KCNIP4: variants seen among roughly 807,000 people sequenced by gnomAD.
KCNIP4 encodes potassium voltage-gated channel interacting protein 4.
Under a neutral mutation model 34.0 loss-of-function variants are expected in KCNIP4, and 12 were observed. The ratio of observed to expected loss-of-function variants is 0.35; its 90% CI spans 0.23 to 0.57. The LOEUF (loss-of-function observed/expected upper bound fraction) is 0.57. Ranked by LOEUF, KCNIP4 falls within the 20% of genes least tolerant of loss-of-function variation. The probability of loss-of-function intolerance (pLI) is 0.83; values close to 1 mark genes in which losing one functional copy is unlikely to be tolerated. For synonymous variants in KCNIP4, 124 were observed against 102.2 expected (o/e 1.21, Z -1.29); for missense variants, 238 against 311.7 (o/e 0.76, Z 1.78).
At chr4:21,250,643 A>G (rs948611177) in intron 1 of KCNIP4, among the ~76,000 whole-genome samples, 3 of 152,076 alleles carry the variant, frequency 2.0e-5, no homozygotes, top group Non-Finnish European at 2.9e-5. Context: ...CAAACAGAAA[A>G]CAGATTTTCA....
intron 1 of KCNIP4, among the ~76,000 whole-genome samples, chr4:21,739,232 C>T (rs1716236460): frequency 6.6e-6 from 1 of 152,032 alleles, no homozygotes. Flanking sequence ...AGTTATCTTC[C>T]AAAAACTGTT....
chr4:21,932,437 T>C (rs1330496438), intron 1 of KCNIP4, among the ~76,000 whole-genome samples: 1 of 152,138 alleles, frequency 6.6e-6, no homozygotes, highest in Admixed American at 6.6e-5. Context: ...ATACTTGCTA[T>C]TTGTGTTAGC....
At chr4:21,813,694 G>T (rs1221378985) in intron 1 of KCNIP4, among the ~76,000 whole-genome samples, 1 of 152,026 alleles carries the variant, frequency 6.6e-6, no homozygotes, top group African/African-American at 2.4e-5. Flanking sequence ...TAAAATAAAT[G>T]ATATACATTT....
At chr4:21,079,622 C>T (rs1320869994) in intron 1 of KCNIP4, among the ~76,000 whole-genome samples, 1 of 151,676 alleles carries the variant, frequency 6.6e-6, no homozygotes, top group Non-Finnish European at 1.5e-5. Flanking sequence ...TCTTAAGTCC[C>T]AGACCCTGTG....
intron 1 of KCNIP4, among the ~76,000 whole-genome samples, chr4:21,080,794 A>C (rs1305553606): frequency 1.3e-5 from 2 of 151,892 alleles, no homozygotes; most frequent in Non-Finnish European, 2.9e-5. Flanking sequence ...TTCAATAAAC[A>C]TATTTGAACT....
chr4:21,460,586 CAG>C (rs921383210), intron 1 of KCNIP4, among the ~76,000 whole-genome samples: 1 of 152,034 alleles, frequency 6.6e-6, no homozygotes, highest in African/African-American at 2.4e-5. Flanking sequence ...TCTAACATGG[CAG>C]AGAGAGAGAA....
In KCNIP4 at chr4:21,234,322, CATATATAAATT is replaced by C. The variant is rs1398124322; in HGVS notation, c.62-351624_62-351614del. On this transcript the variant is annotated intron_variant, in intron 1 of 8. Coordinates refer to ENST00000382152, the MANE Select transcript of KCNIP4 (RefSeq NM_025221.6). ...TATAACATATATAACATATATATAACATATATAAATTATATATAACATACATTATATATAAC... is the reference window on the plus strand; with the variant it reads ...TATAACATATATAACATATATATAACATATATAACATACATTATATATAAC... 9.1e-4 allele frequency among the ~76,000 whole-genome samples: 67 copies of C among 73,442 alleles called. 3 individuals are homozygous for C. Among genetic ancestry groups the C allele is most frequent in the African/African-American group, 4.6e-3 (57 of 12,266 alleles). 48.2% of individuals were successfully genotyped at this position (73,442 alleles called of 152,430 possible). A position where few individuals can be genotyped will look rare whatever the true frequency, so the allele number is the denominator to read the frequency against.
At chr4:20,901,269 T>C (rs1727126829) in intron 1 of KCNIP4, among the ~76,000 whole-genome samples, 1 of 152,234 alleles carries the variant, frequency 6.6e-6, no homozygotes, top group Non-Finnish European at 1.5e-5. Context: ...AACTCCTTTC[T>C]TCAGTTCTTC....
chr4:21,498,062 C>G (rs1282147044), intron 1 of KCNIP4, among the ~76,000 whole-genome samples: 1 of 152,048 alleles, frequency 6.6e-6, no homozygotes, highest in African/African-American at 2.4e-5. Flanking sequence ...TTGACTTTAA[C>G]AAGGAGAAAT....
At chr4:21,833,225 T>C (rs1314412971) in intron 1 of KCNIP4, among the ~76,000 whole-genome samples, 1 of 151,720 alleles carries the variant, frequency 6.6e-6, no homozygotes, top group African/African-American at 2.4e-5. Flanking sequence ...GAAGTGTTCC[T>C]ATTTCTCCAC....
At chr4:21,302,312 C>A (rs1294609809) in intron 1 of KCNIP4, among the ~76,000 whole-genome samples, 1 of 152,122 alleles carries the variant, frequency 6.6e-6, no homozygotes, top group Non-Finnish European at 1.5e-5. Flanking sequence ...AGATTCAAAG[C>A]CTTCCACACA....
intron 1 of KCNIP4, among the ~76,000 whole-genome samples, chr4:20,997,061 A>G (rs62293767): frequency 0.22 from 31,918 of 144,136 alleles, 3,739 homozygotes; most frequent in Middle Eastern, 0.37. Flanking sequence ...AATTCATTAG[A>G]CTAGGATGGG....
chr4:21,048,118 A>G (rs1742596248), intron 1 of KCNIP4, among the ~76,000 whole-genome samples: 1 of 152,214 alleles, frequency 6.6e-6, no homozygotes, highest in Admixed American at 6.5e-5. Flanking sequence ...ATTTTTCTTC[A>G]TAATACTAAT....
intron 1 of KCNIP4, among the ~76,000 whole-genome samples, chr4:21,051,365 T>G (rs1433006937): frequency 1.3e-5 from 2 of 152,178 alleles, no homozygotes; most frequent in Non-Finnish European, 2.9e-5. Context: ...ATATTTTATC[T>G]GAATTTTGAG....
At chr4:21,734,711 A>C (rs1166818590) in intron 1 of KCNIP4, among the ~76,000 whole-genome samples, 1 of 152,176 alleles carries the variant, frequency 6.6e-6, no homozygotes, top group Non-Finnish European at 1.5e-5. Context: ...ACATAAGGAA[A>C]TGTATGATAA....
At chr4:21,038,100 C>T (rs1741615386) in intron 1 of KCNIP4, among the ~76,000 whole-genome samples, 3 of 152,202 alleles carry the variant, frequency 2.0e-5, no homozygotes, top group Non-Finnish European at 4.4e-5. Context: ...GCCTCAGCCT[C>T]CCGAGTAGCT....
chr4:21,212,698 C>G (rs1170578985), intron 1 of KCNIP4, among the ~76,000 whole-genome samples: 1 of 152,212 alleles, frequency 6.6e-6, no homozygotes, highest in Admixed American at 6.5e-5. Flanking sequence ...CTCACCTAGT[C>G]GAAGGGCTGA....
chr4:21,785,591 C>CAATAAATA lies in KCNIP4; in HGVS notation c.61+162972_61+162979dup, dbSNP rs60265932. On this transcript the variant is annotated intron_variant, in intron 1 of 8. Transcript: ENST00000382152. ...TGGGTCAAAGAGTGAGATTCCATCT[C>CAATAAATA]AATAAATAAATAAATAAATAAATAA... Among the ~76,000 whole-genome samples the CAATAAATA allele has an allele frequency of 1.8e-3, 258 of 146,154 alleles. 1 individual carries two copies. Among genetic ancestry groups the CAATAAATA allele is most frequent in the Middle Eastern group, 0.01 (3 of 292 alleles).
chr4:21,582,222 T>A (rs1741288740), intron 1 of KCNIP4: 1 of 152,038 alleles, frequency 6.6e-6, no homozygotes, highest in African/African-American at 2.4e-5. Flanking sequence ...TACTAGGTAA[T>A]ATTCAAAGTC....
Sources: gnomAD v4.1 joint callset for allele counts (sites outside exome capture counted in the v4.1 genomes callset) on GRCh38, gnomAD v4.1.1 for gene constraint, MANE v1.5 for transcripts, NCBI Gene and HGNC (gene_info 2026-07-23, HGNC 2026-07-21) for gene names.